The following E2F7 variants were observed in gnomAD, a reference collection of about 807,000 sequenced individuals.
E2F7 encodes E2F transcription factor 7, also known as transcription factor E2F7.
Under a neutral mutation model 81.1 loss-of-function variants are expected in E2F7, and 35 were observed. That is an observed-to-expected ratio of 0.43 (90% CI 0.33 to 0.57). The LOEUF is 0.57. Among genes scored for constraint, E2F7 ranks in the 20% least tolerant of loss-of-function variants. The pLI is 0.04. For synonymous variants in E2F7, 416 were observed against 416.2 expected, an observed-to-expected ratio of 1.00 and a Z score of 0.01; for missense variants, 961 against 1,093.7, an observed-to-expected ratio of 0.88 and a Z score of 1.71.
rs1449297554 is a variant in E2F7, at chr12:77,023,992, C to A, written c.*23G>T. 3.1e-6 allele frequency: 5 copies of A among 1,610,452 alleles called. No homozygotes were observed. Among genetic ancestry groups the A allele is most frequent in the Non-Finnish European group, 3.4e-6 (4 of 1,178,836 alleles). On this transcript the variant is annotated 3_prime_UTR_variant, in exon 13 of 13. Coordinates refer to ENST00000322886, the MANE Select transcript of E2F7 (RefSeq NM_203394.3). ...GGGACTCTCAGGGCGTTTGATCCCA[C>A]CCCCACCTGGCAAAGCGGCAGGTTA...
At chr12:77,027,801 A>G in intron 11 of E2F7, 82 bp downstream of exon 11, 1 of 1,544,582 alleles carries the variant, frequency 6.5e-7, no homozygotes, top group Non-Finnish European at 8.7e-7. Flanking sequence ...ACTTTGGGTC[A>G]GGTGACACAG....
intron 4 of E2F7, 132 bp downstream of exon 4, chr12:77,050,444 G>A: frequency 3.4e-6 from 3 of 872,476 alleles, no homozygotes; most frequent in Non-Finnish European, 5.1e-6. Context: ...CGATGACAAA[G>A]GAAGCTCTGC....
chr12:77,063,155 C>A (rs1016426230), intron 2 of E2F7, among the ~76,000 whole-genome samples: 1 of 152,144 alleles, frequency 6.6e-6, no homozygotes, highest in Non-Finnish European at 1.5e-5. Flanking sequence ...CTGGCTGTCA[C>A]GGTATTGCAG....
At chr12:77,035,758 G>C (rs781214648) in intron 7 of E2F7, among the ~76,000 whole-genome samples, 1 of 152,084 alleles carries the variant, frequency 6.6e-6, no homozygotes, top group Non-Finnish European at 1.5e-5. Context: ...CAGAAGTGAC[G>C]CAGATGATAG....
rs762359235 is a variant in E2F7, at chr12:77,030,296, T to C, written c.1419A>G (p.Pro473=). The C allele has an allele frequency of 6.3e-7, 1 of 1,577,574 alleles. No individual in the cohort carries two copies. The highest frequency in any genetic ancestry group is 1.2e-5 in the South Asian group (1 of 85,932). The change falls in exon 10 of 13, where the codon CCA becomes CCG. Residue 473 remains proline, a synonymous_variant. Transcript: ENST00000322886. ...KAFASKRVVP[P]SSSLDPVAPF... ...GAGCAACAGGGTCCAAGCTGCTTGA[T>C]GGAGGCACCACTCTCTTACTGGCAA...
At chr12:77,032,429 G>A (rs889694876) in intron 9 of E2F7, among the ~76,000 whole-genome samples, 1 of 152,138 alleles carries the variant, frequency 6.6e-6, no homozygotes, top group Admixed American at 6.5e-5. Context: ...CACATCTGTT[G>A]TTAAACACTT....
At chr12:77,025,469 G>T (rs910674632) in intron 12 of E2F7, 89 bp downstream of exon 12, 2 of 1,465,790 alleles carry the variant, frequency 1.4e-6, no homozygotes, top group Admixed American at 1.9e-5. Flanking sequence ...TAGTGCCTCT[G>T]TCCGGCAGTC....
chr12:77,053,166 T>C (rs1280824012), intron 3 of E2F7, among the ~76,000 whole-genome samples: 2 of 152,172 alleles, frequency 1.3e-5, no homozygotes, highest in Non-Finnish European at 2.9e-5. Flanking sequence ...CCCAAAACAG[T>C]AGTTCTCAAA....
intron 3 of E2F7, among the ~76,000 whole-genome samples, chr12:77,055,611 C>A (rs1291843293): frequency 1.3e-5 from 2 of 151,998 alleles, no homozygotes; most frequent in Non-Finnish European, 2.9e-5. Context: ...GATTAAATAT[C>A]ATTACTTTAA....
In E2F7 at chr12:77,027,922, G is replaced by T; in HGVS notation, c.2101C>A (p.Pro701Thr). Residue 701 changes from proline to threonine, a missense_variant, in exon 11 of 13, where the codon CCT becomes ACT. This residue lies in a region of E2F7 where 587 missense variants were observed against 620.3 expected (regional missense o/e 0.95). Coordinates refer to ENST00000322886, the MANE Select transcript of E2F7 (RefSeq NM_203394.3). ...PSKENESTKEPSLLQYLCVQS... is the reference protein window; with the variant it reads ...PSKENESTKETSLLQYLCVQS... Reference sequence around the variant, plus strand: ...ACACAAAGATATTGTAGCAAAGAAGGCTCTTTGGTGCTTTCATTTTCTTTT... The same window carrying T: ...ACACAAAGATATTGTAGCAAAGAAGTCTCTTTGGTGCTTTCATTTTCTTTT... 2 of 1,614,186 alleles carry T rather than the reference G, an allele frequency of 1.2e-6. No individual in the cohort carries two copies. The highest frequency in any genetic ancestry group is 1.7e-5 in the Admixed American group (1 of 60,020).
At chr12:77,030,708 A>G (rs545562621) in intron 9 of E2F7, among the ~76,000 whole-genome samples, 4 of 152,342 alleles carry the variant, frequency 2.6e-5, no homozygotes, top group South Asian at 2.1e-4. Context: ...AATTATTATA[A>G]TAATAGCTAC....
chr12:77,024,180 T>G lies in E2F7; in HGVS notation c.2571A>C (p.Pro857=), dbSNP rs141743480. The change falls in exon 13 of 13, where the codon CCA becomes CCC. Residue 857 remains proline (P), a synonymous_variant. Coordinates refer to ENST00000322886, the MANE Select transcript of E2F7 (RefSeq NM_203394.3). ...GGATGCTCTTGGGGGTCACTGGAAC[T>G]GGTGACTGAAAAAAGAAAAAAGAAA... is the stretch of plus-strand genomic sequence containing the variant. ...PVSVVKLHQS[P]VPVTPKSIQR... is the part of the protein sequence containing the mutation. 324 of 1,610,532 alleles carry G rather than the reference T, an allele frequency of 2.0e-4. 1 individual carries two copies. The African/African-American group carries it at 3.6e-3, about 18-fold the overall frequency.
intron 3 of E2F7, among the ~76,000 whole-genome samples, chr12:77,054,144 A>C (rs1955011886): frequency 6.6e-6 from 1 of 152,106 alleles, no homozygotes; most frequent in African/African-American, 2.4e-5. Flanking sequence ...TACCTGGGTG[A>C]CCAAATTATC....
intron 2 of E2F7, among the ~76,000 whole-genome samples, chr12:77,059,082 G>A (rs1325355636): frequency 3.3e-5 from 5 of 152,210 alleles, no homozygotes. Context: ...GCTTCCAAAA[G>A]AGTTACTTTA....
chr12:77,041,782 CCTAA>C (rs1249320950), intron 7 of E2F7, among the ~76,000 whole-genome samples: 1 of 152,186 alleles, frequency 6.6e-6, no homozygotes, highest in Non-Finnish European at 1.5e-5. Context: ...TAATTGCTCT[CCTAA>C]CTTTCAAATG....
At chr12:77,031,870 G>T (rs1043838052) in intron 9 of E2F7, among the ~76,000 whole-genome samples, 1 of 152,058 alleles carries the variant, frequency 6.6e-6, no homozygotes, top group African/African-American at 2.4e-5. Context: ...TTGAGTAATG[G>T]GTATTGCTCA....
At chr12:77,026,577 C>G (rs1954761832) in intron 11 of E2F7, among the ~76,000 whole-genome samples, 1 of 152,180 alleles carries the variant, frequency 6.6e-6, no homozygotes, top group South Asian at 2.1e-4. Flanking sequence ...GCTGAGATTA[C>G]AGGCATGAGC....
chr12:77,029,704 T>TA (rs1191302716), intron 10 of E2F7, 127 bp downstream of exon 10: 2 of 1,444,958 alleles, frequency 1.4e-6, no homozygotes, highest in East Asian at 4.6e-5. Context: ...AGTGCTTAAT[T>TA]ATGCAAGTGA....
chr12:77,028,514 C>T (rs1398572472), intron 10 of E2F7, among the ~76,000 whole-genome samples: 4 of 149,804 alleles, frequency 2.7e-5, no homozygotes, highest in African/African-American at 7.4e-5. Context: ...GTCACCCAGG[C>T]TGGAGTGCAG....
Sources: gnomAD v4.1 joint callset for allele counts (sites outside exome capture counted in the v4.1 genomes callset) on GRCh38, gnomAD v4.1.1 for gene constraint, gnomAD v4.1.1 regional missense constraint, MANE v1.5 for transcripts, NCBI Gene and HGNC (gene_info 2026-07-23, HGNC 2026-07-21) for gene names.